The following DGKH variants were observed in gnomAD, a reference collection of about 807,000 sequenced individuals.
DGKH encodes DAG kinase eta.
In DGKH, 90 loss-of-function variants were observed where a neutral mutation model predicts 159.3. The ratio of observed to expected loss-of-function variants is 0.57; its 90% confidence interval spans 0.48 to 0.67. The LOEUF (loss-of-function observed/expected upper bound fraction) is 0.67. DGKH is among the 30% of genes least tolerant of loss of function. The pLI is 0.00. For synonymous variants in DGKH, 536 were observed against 553.8 expected, an observed-to-expected ratio of 0.97 and a Z score of 0.45; for missense variants, 1,181 against 1,506.1, an observed-to-expected ratio of 0.78 and a Z score of 3.57.
intron 1 of DGKH, among the ~76,000 whole-genome samples, chr13:42,115,191 A>G (rs942348964): frequency 6.6e-6 from 1 of 152,264 alleles, no homozygotes; most frequent in African/African-American, 2.4e-5. Flanking sequence ...ACTTGCTGGA[A>G]AGAAAAATCG....
At chr13:42,145,497 C>T (rs1403847084) in intron 3 of DGKH, among the ~76,000 whole-genome samples, 2 of 151,756 alleles carry the variant, frequency 1.3e-5, no homozygotes, top group Non-Finnish European at 2.9e-5. Flanking sequence ...GTAAGCTGCT[C>T]CCACTGAGAT....
intron 1 of DGKH, among the ~76,000 whole-genome samples, chr13:42,081,893 C>T (rs1954207902): frequency 6.6e-6 from 1 of 152,092 alleles, no homozygotes; most frequent in African/African-American, 2.4e-5. Context: ...TGTCACTGTT[C>T]CCAGGCCCTC....
rs1219720309 is a variant in DGKH at position 42,193,008 on chromosome 13, A to G, written c.2036-1877A>G. ...ATTATAGTAGTTTACACTCATCCCA[A>G]TGAACTTTTATCTTTTTTATTTAGA... On this transcript the variant is annotated intron_variant, in intron 16 of 29. Transcript: ENST00000337343. 2.6e-5 allele frequency among the ~76,000 whole-genome samples: 4 copies of G among 152,176 alleles called. No homozygotes were observed. In the South Asian group the frequency reaches 8.3e-4, roughly 31 times the overall value.
At chr13:42,064,829 TA>T (rs1220298585) in intron 1 of DGKH, among the ~76,000 whole-genome samples, 1 of 152,040 alleles carries the variant, frequency 6.6e-6, no homozygotes, top group East Asian at 1.9e-4. Context: ...CCGTTTTACT[TA>T]GAACACAAAA....
chr13:42,135,264 C>T (rs1249950977), intron 3 of DGKH, among the ~76,000 whole-genome samples: 1 of 151,392 alleles, frequency 6.6e-6, no homozygotes, highest in Admixed American at 6.6e-5. Flanking sequence ...TTTGGGAGGC[C>T]GAGGTGGGAG....
chr13:42,221,214 A>G, intron 28 of DGKH, 50 bp from the exon 29 acceptor site: 1 of 1,604,428 alleles, frequency 6.2e-7, no homozygotes, highest in South Asian at 1.1e-5. Flanking sequence ...TTGCTTTGTA[A>G]TGCATTGAGC....
At chr13:42,183,526 G>A (rs978380960) in intron 13 of DGKH, among the ~76,000 whole-genome samples, 1 of 152,010 alleles carries the variant, frequency 6.6e-6, no homozygotes, top group Non-Finnish European at 1.5e-5. Flanking sequence ...ACAATATTAA[G>A]GCAAAATGTT....
At chr13:42,218,596 C>T (rs185540936) in intron 26 of DGKH, among the ~76,000 whole-genome samples, 1 of 147,794 alleles carries the variant, frequency 6.8e-6, no homozygotes, top group East Asian at 2.0e-4. Context: ...GCAATCTCCA[C>T]TTCCCAGGCT....
intron 1 of DGKH, among the ~76,000 whole-genome samples, chr13:42,087,044 AACACAC>A (rs71298957): frequency 0.011 from 1,498 of 140,106 alleles, 21 homozygotes; most frequent in African/African-American, 0.012. Flanking sequence ...CCAGAAGGAA[AACACAC>A]ACACACACAC....
At chr13:42,071,272 C>T (rs544325617) in intron 1 of DGKH, among the ~76,000 whole-genome samples, 9 of 152,256 alleles carry the variant, frequency 5.9e-5, no homozygotes, top group South Asian at 2.1e-4. Flanking sequence ...TTGATTTCCC[C>T]GTAGGTTTAA....
At chr13:42,126,395 G>A (rs965679309) in intron 1 of DGKH, among the ~76,000 whole-genome samples, 1 of 152,104 alleles carries the variant, frequency 6.6e-6, no homozygotes, top group Non-Finnish European at 1.5e-5. Context: ...TCAGCCAGAG[G>A]GATATCTGAG....
intron 1 of DGKH, among the ~76,000 whole-genome samples, chr13:42,089,674 T>C (rs1441733515): frequency 6.6e-6 from 1 of 152,226 alleles, no homozygotes; most frequent in East Asian, 1.9e-4. Context: ...TTCTGCTGCC[T>C]TCTTCTACTT....
At chr13:42,062,501 G>T (rs564610503) in intron 1 of DGKH, among the ~76,000 whole-genome samples, 1 of 152,136 alleles carries the variant, frequency 6.6e-6, no homozygotes, top group Non-Finnish European at 1.5e-5. Flanking sequence ...TTATAAAGTC[G>T]TATTACCAGC....
intron 30 of DGKH, among the ~76,000 whole-genome samples, chr13:42,254,564 T>C (rs238324): frequency 0.99 from 149,705 of 151,800 alleles, 73,840 homozygotes; most frequent in East Asian, 1. Flanking sequence ...ACCTGGGAGG[T>C]GGAGGTTACA....
intron 1 of DGKH, among the ~76,000 whole-genome samples, chr13:42,075,052 A>G (rs1954069797): frequency 6.6e-6 from 1 of 152,334 alleles, no homozygotes; most frequent in Non-Finnish European, 1.5e-5. Flanking sequence ...GTTATGTAAC[A>G]TATTAAAACC....
intron 26 of DGKH, among the ~76,000 whole-genome samples, chr13:42,216,224 G>T (rs1050212602): frequency 6.6e-6 from 1 of 152,232 alleles, no homozygotes; most frequent in Non-Finnish European, 1.5e-5. Flanking sequence ...GCTTGTGGAT[G>T]TCCTATTTTG....
chr13:42,145,347 T>C (rs553788000), intron 3 of DGKH, among the ~76,000 whole-genome samples: 1 of 152,242 alleles, frequency 6.6e-6, no homozygotes, highest in African/African-American at 2.4e-5. Context: ...GTTGGAGATT[T>C]TATTTTTTAG....
At chr13:42,053,904 G>A (rs775365897) in intron 1 of DGKH, among the ~76,000 whole-genome samples, 4 of 152,128 alleles carry the variant, frequency 2.6e-5, no homozygotes, top group Non-Finnish European at 5.9e-5. Context: ...ACAGGCGTGA[G>A]CCACCACGCC....
In DGKH at chr13:42,235,329, TC is replaced by T. The variant is rs1420166269; in HGVS notation, c.*6142del. 5 of 152,178 alleles carry T rather than the reference TC, an allele frequency of 3.3e-5. No individual in the cohort carries two copies. Among genetic ancestry groups the T allele is most frequent in the Admixed American group, 3.3e-4 (5 of 15,272 alleles). The allele number at this position is 152,178 out of a possible 1,614,324, so 9.4% of individuals were successfully genotyped here. ...TACTACTTAAAAGTTATTAAAAACT[TC>T]ACATAAAATATTTCATTTTAGCTAC... is the stretch of plus-strand genomic sequence containing the variant. On this transcript the variant is annotated 3_prime_UTR_variant, in exon 30 of 30. Transcript: ENST00000337343.
Sources: gnomAD v4.1 joint callset for allele counts (sites outside exome capture counted in the v4.1 genomes callset) on GRCh38, gnomAD v4.1.1 for gene constraint, MANE v1.5 for transcripts, NCBI Gene and HGNC (gene_info 2026-07-23, HGNC 2026-07-21) for gene names.